SH3RF3: variants seen among roughly 807,000 people sequenced by gnomAD.
SH3RF3 encodes the protein E3 ubiquitin-protein ligase SH3RF3.
Under a neutral mutation model 66.3 loss-of-function variants are expected in SH3RF3, and 29 were observed. The ratio of observed to expected loss-of-function variants is 0.44; its 90% CI spans 0.33 to 0.60. The LOEUF is 0.60. SH3RF3 is among the 20% of genes least tolerant of loss of function. The pLI is 0.04. For missense variants in SH3RF3, 1,194 were observed against 1,190.9 expected, an observed-to-expected ratio of 1.00 and a Z score of -0.04; for synonymous variants, 583 against 532.0, an observed-to-expected ratio of 1.10 and a Z score of -1.32.
At chr2:109,287,817 C>T (rs933180644) in intron 1 of SH3RF3, among the ~76,000 whole-genome samples, 4 of 152,168 alleles carry the variant, frequency 2.6e-5, no homozygotes, top group African/African-American at 7.2e-5. Context: ...AGTTTTAGGG[C>T]GCTGCACTCT....
At chr2:109,458,073 C>T (rs1678111625) in intron 8 of SH3RF3, among the ~76,000 whole-genome samples, 1 of 152,168 alleles carries the variant, frequency 6.6e-6, no homozygotes, top group Non-Finnish European at 1.5e-5. Flanking sequence ...CCGGGGAGGG[C>T]ACTCTGTAAC....
chr2:109,251,411 G>C (rs571264902), intron 1 of SH3RF3: 261 of 698,570 alleles, frequency 3.7e-4, no homozygotes, highest in Non-Finnish European at 6.2e-4. Context: ...TGAGTGCATG[G>C]AGTAGACACC....
chr2:109,286,490 C>T (rs1378276188), intron 1 of SH3RF3, among the ~76,000 whole-genome samples: 3 of 152,148 alleles, frequency 2.0e-5, no homozygotes, highest in African/African-American at 7.2e-5. Flanking sequence ...CGCACAAGGC[C>T]ATCTATGCTT....
At chr2:109,353,122 G>A (rs1213573608) in intron 2 of SH3RF3, among the ~76,000 whole-genome samples, 2 of 152,172 alleles carry the variant, frequency 1.3e-5, no homozygotes, top group African/African-American at 2.4e-5. Context: ...CACCTGTCCC[G>A]GAGTCATGGC....
At chr2:109,495,637 G>A (rs927148797) in intron 9 of SH3RF3, among the ~76,000 whole-genome samples, 24 of 151,592 alleles carry the variant, frequency 1.6e-4, no homozygotes, top group African/African-American at 4.6e-4. Context: ...GATTACAGGC[G>A]TCCACTGACA....
At chr2:109,315,969 T>G (rs1371055213) in intron 1 of SH3RF3, among the ~76,000 whole-genome samples, 1 of 152,198 alleles carries the variant, frequency 6.6e-6, no homozygotes, top group Admixed American at 6.5e-5. Flanking sequence ...TTAGCAGAAG[T>G]CTTTTTGGTC....
chr2:109,384,024 A>G lies in SH3RF3; in HGVS notation c.945+12343A>G, dbSNP rs553019341. ...CAAATGAAGGCAGCCCATCCTTTCC[A>G]TCTCTGCTTCCATCAGAGGACCACT... On this transcript the variant is annotated intron_variant, in intron 3 of 9. Transcript: ENST00000309415. 1.8e-4 allele frequency among the ~76,000 whole-genome samples: 28 copies of G among 152,096 alleles called. No individual in the cohort carries two copies. The East Asian group carries it at 4.7e-3, about 25-fold the overall frequency.
intron 1 of SH3RF3, among the ~76,000 whole-genome samples, chr2:109,306,101 C>A (rs760003911): frequency 6.6e-6 from 1 of 152,204 alleles, no homozygotes; most frequent in Non-Finnish European, 1.5e-5. Context: ...GTCTACCTCA[C>A]GCTAAAGTTG....
chr2:109,289,742 G>A (rs1405064542), intron 1 of SH3RF3, among the ~76,000 whole-genome samples: 1 of 152,150 alleles, frequency 6.6e-6, no homozygotes, highest in Admixed American at 6.5e-5. Context: ...GAGGGAAGAT[G>A]TGTTGTCATG....
chr2:109,461,389 G>A lies in SH3RF3; in HGVS notation c.2148+11900G>A, dbSNP rs115309581. The stretch of plus-strand genomic sequence containing the variant: ...GCTCCAAAATCCTAAAGACCTGCGC[G>A]GTGATCCACCTGCCAAAGGCCCCAC... On this transcript the variant is annotated intron_variant, in intron 8 of 9. Coordinates refer to ENST00000309415, the MANE Select transcript of SH3RF3 (RefSeq NM_001099289.3). 3.0e-3 allele frequency among the ~76,000 whole-genome samples: 450 copies of A among 151,950 alleles called. 3 individuals are homozygous for A. The highest frequency in any genetic ancestry group is 0.01 in the African/African-American group (432 of 41,402).
chr2:109,196,308 T>G (rs940298629), intron 1 of SH3RF3, among the ~76,000 whole-genome samples: 2 of 152,174 alleles, frequency 1.3e-5, no homozygotes, highest in East Asian at 1.9e-4. Context: ...CCTGGATTGG[T>G]GTAGCTCCCC....
intron 1 of SH3RF3, 42 bp downstream of exon 1, chr2:109,130,155 G>T: frequency 7.9e-7 from 1 of 1,269,346 alleles, no homozygotes; most frequent in Non-Finnish European, 9.9e-7. Flanking sequence ...GCACGTGGGA[G>T]TGTGTGGGTG....
intron 1 of SH3RF3, among the ~76,000 whole-genome samples, chr2:109,328,401 A>C (rs1682204663): frequency 6.6e-6 from 1 of 152,082 alleles, no homozygotes; most frequent in African/African-American, 2.4e-5. Flanking sequence ...CCCACCCTTG[A>C]CTATGTGGGC....
At chr2:109,311,897 A>G (rs1681734480) in intron 1 of SH3RF3, among the ~76,000 whole-genome samples, 1 of 151,878 alleles carries the variant, frequency 6.6e-6, no homozygotes, top group Non-Finnish European at 1.5e-5. Flanking sequence ...TTACATCCAC[A>G]TTTTCTTCCA....
At chr2:109,186,668 G>T (rs1678196102) in intron 1 of SH3RF3, among the ~76,000 whole-genome samples, 1 of 152,204 alleles carries the variant, frequency 6.6e-6, no homozygotes, top group African/African-American at 2.4e-5. Flanking sequence ...GACCCTGCGG[G>T]AAATGCATCT....
chr2:109,167,730 C>A (rs151133882), intron 1 of SH3RF3, among the ~76,000 whole-genome samples: 1 of 152,128 alleles, frequency 6.6e-6, no homozygotes, highest in African/African-American at 2.4e-5. Flanking sequence ...TGTCACCACG[C>A]CTGGCTAATT....
At chr2:109,446,034 A>T (rs968180032) in intron 7 of SH3RF3, among the ~76,000 whole-genome samples, 1 of 152,170 alleles carries the variant, frequency 6.6e-6, no homozygotes, top group Admixed American at 6.5e-5. Flanking sequence ...AGCAGCCTTC[A>T]TCTGTCAGCT....
Position 109,347,781 on chromosome 2 carries a change from G to A in SH3RF3, c.681G>A (p.Val227=), listed in dbSNP as rs1447500266. 6 of 1,614,008 alleles carry A rather than the reference G, an allele frequency of 3.7e-6. No homozygotes were observed. Among genetic ancestry groups the A allele is most frequent in the Middle Eastern group, 3.3e-4 (2 of 6,062 alleles). ...ACATCATCGTCCTGCGGCGCAAGGT[G>A]GATGAACAGTGGTACCACGGCGAGC... ...KGDIIVLRRK[V]DEQWYHGELH... The change falls in exon 2 of 10, where the codon GTG becomes GTA. Residue 227 remains valine, a synonymous_variant. Transcript: ENST00000309415.
At chr2:109,157,786 G>T (rs555470452) in intron 1 of SH3RF3, among the ~76,000 whole-genome samples, 1 of 152,166 alleles carries the variant, frequency 6.6e-6, no homozygotes, top group South Asian at 2.1e-4. Context: ...TCATCCAGAG[G>T]GTAAAAGGAC....
Sources: gnomAD v4.1 joint callset for allele counts (sites outside exome capture counted in the v4.1 genomes callset) on GRCh38, gnomAD v4.1.1 for gene constraint, MANE v1.5 for transcripts, NCBI Gene and HGNC (gene_info 2026-07-23, HGNC 2026-07-21) for gene names.